PAPOLG: variants seen among roughly 807,000 people sequenced by gnomAD.
PAPOLG encodes PAP-gamma.
Under a neutral mutation model 99.0 loss-of-function variants are expected in PAPOLG, and 40 were observed. The ratio of observed to expected loss-of-function variants is 0.40; its 90% CI spans 0.31 to 0.53. The LOEUF is 0.53. Among genes scored for constraint, PAPOLG ranks in the 20% least tolerant of loss-of-function variants. The probability of loss-of-function intolerance (pLI) is 0.41; values close to 1 mark genes in which losing one functional copy is unlikely to be tolerated. For missense variants in PAPOLG, 675 were observed against 884.1 expected (o/e 0.76, Z 3.00); for synonymous variants, 310 against 299.3 (o/e 1.04, Z -0.37).
intron 8 of PAPOLG, chr2:60,779,432 A>G: frequency 1.9e-6 from 1 of 513,124 alleles, no homozygotes; most frequent in Non-Finnish European, 3.4e-6. Flanking sequence ...ATGGTTTACT[A>G]ATTAGACTGT....
At chr2:60,793,108 G>A (rs975201858) in intron 17 of PAPOLG, among the ~76,000 whole-genome samples, 4 of 151,676 alleles carry the variant, frequency 2.6e-5, no homozygotes, top group Non-Finnish European at 5.9e-5. Flanking sequence ...GGGAGGCCAA[G>A]GTGGGAGAAT....
At chr2:60,780,517 C>CCGTAAAA (rs1671156213) in intron 9 of PAPOLG, among the ~76,000 whole-genome samples, 190 bp from the exon 10 acceptor site, 1 of 152,194 alleles carries the variant, frequency 6.6e-6, no homozygotes, top group African/African-American at 2.4e-5. Flanking sequence ...CTCAGGTGAT[C>CCGTAAAA]TGCCTGCCTC....
intron 14 of PAPOLG, 91 bp downstream of exon 14, chr2:60,787,157 C>T: frequency 1.7e-6 from 2 of 1,167,516 alleles, no homozygotes; most frequent in Non-Finnish European, 2.4e-6. Flanking sequence ...TTTTGTTTAA[C>T]AGGCATTGAT....
intron 6 of PAPOLG, among the ~76,000 whole-genome samples, chr2:60,770,837 A>G (rs980469093): frequency 6.6e-6 from 1 of 152,012 alleles, no homozygotes; most frequent in African/African-American, 2.4e-5. Context: ...GTTAGCCAGG[A>G]TGGTCTCAAT....
intron 13 of PAPOLG, among the ~76,000 whole-genome samples, chr2:60,784,898 A>C (rs1289255234): frequency 6.6e-6 from 1 of 152,204 alleles, no homozygotes; most frequent in Admixed American, 6.5e-5. Context: ...ATGACACTGG[A>C]ATAACACAGA....
At chr2:60,766,796 G>A (rs983400669) in intron 3 of PAPOLG, among the ~76,000 whole-genome samples, 4 of 152,186 alleles carry the variant, frequency 2.6e-5, no homozygotes, top group African/African-American at 9.7e-5. Flanking sequence ...AACCATGTTG[G>A]TTGGTTGGTA....
At chr2:60,770,711 G>A (rs1412603739) in intron 6 of PAPOLG, among the ~76,000 whole-genome samples, 200 bp downstream of exon 6, 1 of 151,774 alleles carries the variant, frequency 6.6e-6, no homozygotes, top group Non-Finnish European at 1.5e-5. Flanking sequence ...GCACCTTTGA[G>A]CACCTGGGTT....
In PAPOLG at chr2:60,794,146, C is replaced by G. The variant is rs1384416034; in HGVS notation, c.1944C>G (p.Ser648=). ...TKTVTPKRSH[S]PSIDGTPKRL... The stretch of plus-strand genomic sequence containing the variant: ...CTGTTACACCTAAGAGATCCCATTC[C>G]CCATCCATAGATGGGACTCCTAAGA... Residue 648 remains serine, a synonymous_variant, in exon 19 of 22, where the codon TCC becomes TCG. Coordinates refer to ENST00000238714, the MANE Select transcript of PAPOLG (RefSeq NM_022894.4). 1 of 1,613,412 alleles carries G rather than the reference C, an allele frequency of 6.2e-7. No individual in the cohort carries two copies. Among genetic ancestry groups the G allele is most frequent in the Non-Finnish European group, 8.5e-7 (1 of 1,179,434 alleles).
At chr2:60,758,117 T>C (rs369453322) in intron 1 of PAPOLG, among the ~76,000 whole-genome samples, 12 of 152,326 alleles carry the variant, frequency 7.9e-5, no homozygotes, top group East Asian at 3.9e-4. Context: ...ACTATATAGA[T>C]ATGTAGATAA....
rs1270554520 is a variant in PAPOLG, at chr2:60,785,945, C to G, written c.1167-1002C>G. On this transcript the variant is annotated intron_variant, in intron 13 of 21. Transcript: ENST00000238714. ...AGCCATGACTGTTTTATAGTCTTAA[C>G]TAAGGGTATTTTAGATTCAGGAATG... is the stretch of plus-strand genomic sequence containing the variant. Among the ~76,000 whole-genome samples the G allele has an allele frequency of 2.0e-5, 3 of 151,970 alleles. No homozygotes were observed. In the South Asian group the frequency reaches 6.2e-4, roughly 32 times the overall value.
intron 1 of PAPOLG, among the ~76,000 whole-genome samples, chr2:60,758,572 C>T (rs11690381): frequency 0.12 from 17,482 of 151,746 alleles, 1,002 homozygotes; most frequent in Middle Eastern, 0.14. Flanking sequence ...GGATTACAGA[C>T]GTCCGCCACC....
chr2:60,793,671 G>A lies in PAPOLG; in HGVS notation c.1724G>A (p.Ser575Asn). The change falls in exon 18 of 22, where the codon AGT becomes AAT. Residue 575 changes from serine to asparagine, a missense_variant. This residue lies in a region of PAPOLG where 413 missense variants were observed against 460.5 expected (regional missense o/e 0.90). Transcript: ENST00000238714. ...PAAVIVEKPL[S>N]VPPAQGLSIP... ...GCTGTAATTGTGGAGAAGCCACTGA[G>A]TGTACCACCAGCCCAAGGACTTTCC... is the stretch of plus-strand genomic sequence containing the variant. The A allele has an allele frequency of 6.2e-7, 1 of 1,613,894 alleles. No homozygotes were observed. Among genetic ancestry groups the A allele is most frequent in the Non-Finnish European group, 8.5e-7 (1 of 1,179,830 alleles).
intron 1 of PAPOLG, among the ~76,000 whole-genome samples, chr2:60,759,148 C>T (rs1051174340): frequency 5.3e-5 from 8 of 152,170 alleles, no homozygotes; most frequent in Non-Finnish European, 1.2e-4. Context: ...ACTGTTGGAT[C>T]ACCTGAGGTC....
intron 3 of PAPOLG, among the ~76,000 whole-genome samples, chr2:60,763,565 G>A (rs779245520): frequency 2.0e-5 from 3 of 152,082 alleles, no homozygotes; most frequent in Admixed American, 6.6e-5. Flanking sequence ...GTGCAGTGGC[G>A]AGATCTCAGC....
intron 12 of PAPOLG, 23 bp downstream of exon 12, chr2:60,782,793 T>C (rs370853517): frequency 1.9e-6 from 3 of 1,545,720 alleles, no homozygotes; most frequent in African/African-American, 1.4e-5. Flanking sequence ...TTGTATTTTG[T>C]ATGTATGTGA....
In PAPOLG at chr2:60,761,771, A is replaced by C; in HGVS notation, c.210A>C (p.Leu70Phe). The C allele has an allele frequency of 6.2e-7, 1 of 1,605,302 alleles. No individual in the cohort carries two copies. The highest frequency in any genetic ancestry group is 8.5e-7 in the Non-Finnish European group (1 of 1,172,354). ...RLVVLGKLNNLVKEWISDVSE... is the reference protein window; with the variant it reads ...RLVVLGKLNNFVKEWISDVSE... ...TGGTTCTTGGTAAATTGAACAATTT[A>C]GTAAAAGAATGGATTTCTGATGTCA... Residue 70 changes from leucine to phenylalanine, a missense_variant, in exon 3 of 22, where the codon TTA becomes TTC. Around this residue, in one of 3 missense-constraint regions of PAPOLG, gnomAD observed 149 missense variants for 192.1 expected, o/e 0.78. Coordinates refer to ENST00000238714, the MANE Select transcript of PAPOLG (RefSeq NM_022894.4).
chr2:60,786,546 T>A (rs1671367660), intron 13 of PAPOLG, among the ~76,000 whole-genome samples: 1 of 144,308 alleles, frequency 6.9e-6, no homozygotes, highest in African/African-American at 2.6e-5. Context: ...TTTTTTTTTT[T>A]GAGACGGAGT....
rs1462937524 is a variant in PAPOLG, at chr2:60,793,967, TCAGAAG to T, written c.1769-3_1771del. 1 of 1,599,962 alleles carries T rather than the reference TCAGAAG, an allele frequency of 6.3e-7. No individual in the cohort carries two copies. Among genetic ancestry groups the T allele is most frequent in the Non-Finnish European group, 8.5e-7 (1 of 1,172,874 alleles). On this transcript the variant is annotated splice_acceptor_variant and splice_polypyrimidine_tract_variant and coding_sequence_variant and intron_variant, in exon 19 of 22. Coordinates refer to ENST00000238714, the MANE Select transcript of PAPOLG (RefSeq NM_022894.4). LOFTEE classifies it high-confidence loss of function. ...ATTATTAAAATCCTTTTTTTCCTTTTCAGAAGTTGACTCTACAGTAAAAACTGTATC... is the reference window on the plus strand; with the variant it reads ...ATTATTAAAATCCTTTTTTTCCTTTTTTGACTCTACAGTAAAAACTGTATC...
intron 10 of PAPOLG, among the ~76,000 whole-genome samples, chr2:60,781,619 T>G (rs1671192320): frequency 6.6e-6 from 1 of 152,184 alleles, no homozygotes; most frequent in East Asian, 1.9e-4. Flanking sequence ...TTTCCTTGAT[T>G]ATAAGAGATC....
Sources: gnomAD v4.1 joint callset for allele counts (sites outside exome capture counted in the v4.1 genomes callset) on GRCh38, gnomAD v4.1.1 for gene constraint, gnomAD v4.1.1 regional missense constraint, MANE v1.5 for transcripts, NCBI Gene and HGNC (gene_info 2026-07-23, HGNC 2026-07-21) for gene names.